Variants in PSG2 observed in about 807,000 individuals in gnomAD.
PSG2 encodes the protein pregnancy-specific beta-1-glycoprotein 2.
In PSG2, 49 loss-of-function variants were observed where a neutral mutation model predicts 36.2. That is an observed-to-expected ratio of 1.35 (90% CI 1.08 to 1.72). PSG2 has a LOEUF of 1.72. Among genes scored for constraint, PSG2 ranks in the 40% most tolerant of loss-of-function variants. The pLI is 0.00. For missense variants in PSG2, 605 were observed against 407.2 expected (o/e 1.49, Z -4.18); for synonymous variants, 261 against 155.6 (o/e 1.68, Z -5.04).
intron 4 of PSG2, among the ~76,000 whole-genome samples, chr19:43,068,843 A>T (rs1483089324): frequency 6.6e-6 from 1 of 151,726 alleles, no homozygotes; most frequent in Non-Finnish European, 1.5e-5. Flanking sequence ...CTTTTATTCA[A>T]CATAGTGTTG....
chr19:43,075,328 C>A (rs1967877496), intron 3 of PSG2, 26 bp downstream of exon 3: 1 of 1,612,966 alleles, frequency 6.2e-7, no homozygotes, highest in Non-Finnish European at 8.5e-7. Context: ...GGCAGTCTGG[C>A]CCACAGAGGA....
intron 2 of PSG2, among the ~76,000 whole-genome samples, chr19:43,078,736 A>G (rs1185283480): frequency 1.3e-5 from 2 of 151,694 alleles, no homozygotes; most frequent in African/African-American, 4.9e-5. Context: ...CCTGTTTGGC[A>G]GACTTGGAGT....
intron 4 of PSG2, among the ~76,000 whole-genome samples, chr19:43,068,687 A>G (rs1377229886): frequency 6.6e-6 from 1 of 151,698 alleles, no homozygotes; most frequent in Non-Finnish European, 1.5e-5. Context: ...TTTTTTCATA[A>G]GAAAAACATT....
intron 3 of PSG2, among the ~76,000 whole-genome samples, chr19:43,075,138 C>A (rs763854878): frequency 9.9e-5 from 15 of 151,740 alleles, no homozygotes; most frequent in Non-Finnish European, 1.9e-4. Context: ...AAGCTGTGGA[C>A]CCTGAGTCTC....
rs1967710508 is a variant in PSG2, at chr19:43,064,332, T to C, written c.*310A>G. Reference sequence around the variant, plus strand: ...TCAATTTTTGTTTACAAAAGTATACTTTACCAATTGCTCAAGAAAAAATGT... The same window carrying C: ...TCAATTTTTGTTTACAAAAGTATACCTTACCAATTGCTCAAGAAAAAATGT... On this transcript the variant is annotated 3_prime_UTR_variant, in exon 6 of 6. Coordinates refer to ENST00000406487, the MANE Select transcript of PSG2 (RefSeq NM_031246.4). 3.6e-6 allele frequency: 1 copy of C among 276,124 alleles called. No homozygotes were observed. Among genetic ancestry groups the C allele is most frequent in the African/African-American group, 2.3e-5 (1 of 44,406 alleles). The allele number at this position is 276,124 out of a possible 1,614,324, so 17.1% of individuals were successfully genotyped here.
Position 43,082,674 on chromosome 19 carries a change from G to A in PSG2, c.-105C>T, listed in dbSNP as rs1386513212. 3 of 1,527,670 alleles carry A rather than the reference G, an allele frequency of 2.0e-6. No individual in the cohort carries two copies. The highest frequency in any genetic ancestry group is 1.4e-5 in the African/African-American group (1 of 71,698). 94.6% of individuals were successfully genotyped at this position (1,527,670 alleles called of 1,614,324 possible). Reference sequence around the variant, plus strand: ...GCTGTCCTTCCTCCTTCTGCACTGAGCCTCTTCCTGGGGCAGCAGCAATTC... The same window carrying A: ...GCTGTCCTTCCTCCTTCTGCACTGAACCTCTTCCTGGGGCAGCAGCAATTC... On this transcript the variant is annotated 5_prime_UTR_variant, in exon 1 of 6. Transcript: ENST00000406487.
At chr19:43,074,624 G>A (rs558261250) in intron 3 of PSG2, among the ~76,000 whole-genome samples, 15 of 151,718 alleles carry the variant, frequency 9.9e-5, no homozygotes, top group African/African-American at 3.6e-4. Context: ...CCTTTGCAGA[G>A]GGCAGGTGGC....
At chr19:43,070,047 AAGG>A (rs979810618) in intron 4 of PSG2, among the ~76,000 whole-genome samples, 49 of 151,862 alleles carry the variant, frequency 3.2e-4, no homozygotes, top group African/African-American at 1.2e-3. Flanking sequence ...AGTTTTCTCC[AAGG>A]AGGTTACACA....
At position 43,081,213 on chromosome 19, in the gene PSG2, G is replaced by A. The variant is rs144797196; in HGVS notation, c.98C>T (p.Thr33Ile). The A allele has an allele frequency of 3.7e-6, 6 of 1,612,410 alleles. No homozygotes were observed. Among genetic ancestry groups the A allele is most frequent in the South Asian group, 2.2e-5 (2 of 91,034 alleles). ...CTGGGCTTCAATCGTGACTTGGGCA[G>A]TGGTGGGCAGGTTCCAGAAGTTTAA... The part of the protein sequence containing the change: ...SLLNFWNLPT[T>I]AQVTIEAQPP... The change falls in exon 2 of 6, where the codon ACT (threonine) becomes ATT (isoleucine). Residue 33 changes from threonine (T) to isoleucine (I), a missense_variant. By Grantham distance (89) the Thr-to-Ile change is moderately conservative. Coordinates refer to ENST00000406487, the MANE Select transcript of PSG2 (RefSeq NM_031246.4).
chr19:43,067,404 C>T (rs565544103), intron 4 of PSG2, among the ~76,000 whole-genome samples: 25 of 151,284 alleles, frequency 1.7e-4, no homozygotes, highest in Admixed American at 4.6e-4. Flanking sequence ...CTCCCACAAG[C>T]AGTCAGTAAC....
At chr19:43,071,116 C>A (rs533721274) in intron 4 of PSG2, among the ~76,000 whole-genome samples, 2 of 151,570 alleles carry the variant, frequency 1.3e-5, no homozygotes, top group Admixed American at 1.3e-4. Context: ...CTGGCAGCTC[C>A]ATTTAGCGAA....
rs560703060 is a variant in PSG2, at chr19:43,078,768, C to A, written c.430+2113G>T. 2.0e-4 allele frequency among the ~76,000 whole-genome samples: 30 copies of A among 151,838 alleles called. 2 individuals carry two copies. The highest frequency in any genetic ancestry group is 1.5e-3 in the South Asian group (7 of 4,824). ...GAGTCATTAAAATCTTTCTTTACTA[C>A]AAATCACCATTTCAATAATTTTTTT... On this transcript the variant is annotated intron_variant, in intron 2 of 5. Coordinates refer to ENST00000406487, the MANE Select transcript of PSG2 (RefSeq NM_031246.4).
intron 3 of PSG2, among the ~76,000 whole-genome samples, chr19:43,073,653 A>T (rs1345809359): frequency 1.3e-5 from 2 of 151,634 alleles, no homozygotes; most frequent in East Asian, 3.9e-4. Flanking sequence ...ATGAGAAGAG[A>T]CTGCTGGTTG....
chr19:43,081,727 G>A (rs1967978550), intron 1 of PSG2: 1 of 167,178 alleles, frequency 6.0e-6, no homozygotes. Flanking sequence ...ATGACAGCAT[G>A]AGCTCAGTGA....
intron 3 of PSG2, among the ~76,000 whole-genome samples, chr19:43,073,576 A>G (rs554003232): frequency 6.6e-6 from 1 of 151,756 alleles, no homozygotes; most frequent in Non-Finnish European, 1.5e-5. Context: ...TCATTGAACA[A>G]TCTACTCTGT....
chr19:43,082,449 C>T (rs1967994186), intron 1 of PSG2, 57 bp downstream of exon 1: 1 of 1,593,092 alleles, frequency 6.3e-7, no homozygotes. Context: ...TCCAGGAGAC[C>T]CCATCCAGTC....
intron 4 of PSG2, among the ~76,000 whole-genome samples, chr19:43,070,771 G>C (rs1411719472): frequency 4.6e-5 from 7 of 151,694 alleles, no homozygotes; most frequent in Non-Finnish European, 7.4e-5. Context: ...GAAATGGATA[G>C]TGTGATGGTT....
Position 43,066,618 on chromosome 19 carries a change from G to T in PSG2, c.965-18C>A, listed in dbSNP as rs767533721. On this transcript the variant is annotated intron_variant, in intron 4 of 5. Coordinates refer to ENST00000406487, the MANE Select transcript of PSG2 (RefSeq NM_031246.4). ...TGTAGAAGCTGTCATGGAAAGAAAA[G>T]TAAAGAAGGAATGAAGGTGATGTTA... The T allele has an allele frequency of 1.8e-5, 28 of 1,584,622 alleles. 1 individual carries two copies. Among genetic ancestry groups the T allele is most frequent in the African/African-American group, 4.1e-5 (3 of 73,640 alleles).
chr19:43,074,174 G>T (rs2122906010), intron 3 of PSG2, among the ~76,000 whole-genome samples: 1 of 151,680 alleles, frequency 6.6e-6, no homozygotes, highest in African/African-American at 2.4e-5. Context: ...TGTTGTGGCA[G>T]TCATTAATAA....
Sources: allele counts gnomAD v4.1 joint callset (sites outside exome capture counted in the v4.1 genomes callset), GRCh38; gene constraint gnomAD v4.1.1; transcripts MANE v1.5; gene names NCBI Gene and HGNC (gene_info 2026-07-23, HGNC 2026-07-21).